ZFYVE27: variants seen among roughly 807,000 people sequenced by gnomAD.
ZFYVE27 encodes protrudin.
A neutral mutation model predicts 52.8 loss-of-function variants in ZFYVE27; 36 were observed. The observed-to-expected ratio is 0.68, with a 90% CI of 0.52 to 0.90. ZFYVE27 has a LOEUF of 0.90. Among genes scored for constraint, ZFYVE27 ranks in the 40% least tolerant of loss-of-function variants. ZFYVE27 has a pLI of 0.00. For synonymous variants in ZFYVE27, 223 were observed against 215.6 expected (o/e 1.03, Z -0.30); for missense variants, 450 against 527.2 (o/e 0.85, Z 1.43).
Position 97,748,869 on chromosome 10 carries a change from A to C in ZFYVE27, c.551+505A>C, listed in dbSNP as rs192783933. On this transcript the variant is annotated intron_variant, in intron 5 of 12. Coordinates refer to ENST00000684270, the MANE Select transcript of ZFYVE27 (RefSeq NM_001385875.1). ...TTTCATTACTAACCCCATGGTAAACATTTTTATGGATTTAGCTTTAATGTT... is the reference window on the plus strand; with the variant it reads ...TTTCATTACTAACCCCATGGTAAACCTTTTTATGGATTTAGCTTTAATGTT... 2.6e-5 allele frequency among the ~76,000 whole-genome samples: 4 copies of C among 152,336 alleles called. No individual in the cohort carries two copies. The East Asian group carries it at 7.7e-4, about 29-fold the overall frequency.
At position 97,759,476 on chromosome 10, in the gene ZFYVE27, A is replaced by G. The variant is rs2049199970; in HGVS notation, c.*176A>G. ...TGGATTCTGGAGCTGTTCTCCATCC[A>G]TGAGAGTGGCTGGCAATGGCTGCTC... On this transcript the variant is annotated 3_prime_UTR_variant, in exon 13 of 13. Coordinates refer to ENST00000684270, the MANE Select transcript of ZFYVE27 (RefSeq NM_001385875.1). 2.8e-6 allele frequency: 2 copies of G among 717,306 alleles called. No individual in the cohort carries two copies. Among genetic ancestry groups the G allele is most frequent in the Non-Finnish European group, 4.9e-6 (2 of 405,556 alleles). 44.4% of individuals were successfully genotyped at this position (717,306 alleles called of 1,614,324 possible). A position where few individuals can be genotyped will look rare whatever the true frequency, so the allele number is the denominator to read the frequency against.
intron 3 of ZFYVE27, among the ~76,000 whole-genome samples, chr10:97,743,807 C>T (rs58475318): frequency 6.6e-6 from 1 of 152,174 alleles, no homozygotes; most frequent in Non-Finnish European, 1.5e-5. Context: ...GTAATGTCTT[C>T]TATGAACCTC....
In ZFYVE27 at chr10:97,759,195, G is replaced by A. The variant is rs192309564; in HGVS notation, c.1172-41G>A. The A allele has an allele frequency of 5.5e-4, 882 of 1,612,418 alleles. 1 individual carries two copies. In the African/African-American group the frequency reaches 0.01, roughly 19 times the overall value. ...TAGTAGTTGGGGCCATGAACCAAAG[G>A]GCGCAAGGAAATGTCTCACCAAGTT... On this transcript the variant is annotated intron_variant, in intron 12 of 12. Coordinates refer to ENST00000684270, the MANE Select transcript of ZFYVE27 (RefSeq NM_001385875.1).
intron 2 of ZFYVE27, 103 bp downstream of exon 2, chr10:97,738,777 G>C: frequency 2.2e-6 from 3 of 1,366,944 alleles, no homozygotes; most frequent in Non-Finnish European, 3.1e-6. Flanking sequence ...TGTCCTTTCT[G>C]CCCTAGTGAG....
intron 8 of ZFYVE27, among the ~76,000 whole-genome samples, chr10:97,752,317 C>G (rs2047195651): frequency 6.6e-6 from 1 of 152,216 alleles, no homozygotes; most frequent in African/African-American, 2.4e-5. Flanking sequence ...TGATTTACCC[C>G]AACTCACCTC....
At chr10:97,746,443 G>A (rs185364468) in intron 4 of ZFYVE27, among the ~76,000 whole-genome samples, 5 of 152,158 alleles carry the variant, frequency 3.3e-5, no homozygotes, top group African/African-American at 9.7e-5. Flanking sequence ...TGTTGGCTTC[G>A]TCTATCTCTC....
Position 97,753,201 on chromosome 10 carries a change from G to A in ZFYVE27, c.1042+19G>A. 1.2e-6 allele frequency: 2 copies of A among 1,606,902 alleles called. No individual in the cohort carries two copies. The highest frequency in any genetic ancestry group is 1.7e-6 in the Non-Finnish European group (2 of 1,177,218). The stretch of plus-strand genomic sequence containing the variant: ...AACTTCGGTGCGGCCAGGGGACAGG[G>A]CTGGGCTGGTGGGGGAGTGGGGGTG... On this transcript the variant is annotated intron_variant, in intron 10 of 12. Coordinates refer to ENST00000684270, the MANE Select transcript of ZFYVE27 (RefSeq NM_001385875.1).
At chr10:97,752,473 C>T (rs2047240105) in intron 8 of ZFYVE27, among the ~76,000 whole-genome samples, 1 of 152,142 alleles carries the variant, frequency 6.6e-6, no homozygotes, top group South Asian at 2.1e-4. Context: ...TTGTTCATGA[C>T]CCATAGTAAG....
At chr10:97,750,267 C>G (rs2046577110) in intron 6 of ZFYVE27, 64 bp from the exon 7 acceptor site, 1 of 1,600,922 alleles carries the variant, frequency 6.2e-7, no homozygotes, top group African/African-American at 1.3e-5. Context: ...AAGTGGGTAC[C>G]CCTAAAGTGC....
chr10:97,753,683 AGTACTTACGAAGG>A (rs2136277926), intron 10 of ZFYVE27, among the ~76,000 whole-genome samples: 1 of 152,318 alleles, frequency 6.6e-6, no homozygotes, highest in South Asian at 2.1e-4. Flanking sequence ...ATGAGACAGT[AGTACTTACGAAGG>A]GCTAGCACAG....
rs200843408 is a variant in ZFYVE27 at position 97,738,495 on chromosome 10, T to C, written c.18T>C (p.Arg6=). 63 of 1,614,150 alleles carry C rather than the reference T, an allele frequency of 3.9e-5. No individual in the cohort carries two copies. In the African/African-American group the frequency reaches 6.9e-4, roughly 18 times the overall value. Residue 6 remains arginine, a synonymous_variant, in exon 2 of 13, where the codon CGT becomes CGC. Coordinates refer to ENST00000684270, the MANE Select transcript of ZFYVE27 (RefSeq NM_001385875.1). ...GTTACAGGATGCAGACATCAGAACGTGAGGGGAGTGGGCCGGAGCTGAGCC... is the reference window on the plus strand; with the variant it reads ...GTTACAGGATGCAGACATCAGAACGCGAGGGGAGTGGGCCGGAGCTGAGCC... The part of the protein sequence containing the change: MQTSE[R]EGSGPELSPS...
intron 4 of ZFYVE27, 117 bp from the exon 5 acceptor site, chr10:97,748,152 C>G: frequency 1.1e-6 from 1 of 950,598 alleles, no homozygotes; most frequent in Non-Finnish European, 1.6e-6. Flanking sequence ...TCTTTAAGCA[C>G]ATGGTGAGTG....
At chr10:97,754,716 C>T in intron 10 of ZFYVE27, 1 of 1,289,394 alleles carries the variant, frequency 7.8e-7, no homozygotes, top group South Asian at 1.2e-5. Context: ...CTCATTTCAT[C>T]CTTACCGTAG....
intron 4 of ZFYVE27, among the ~76,000 whole-genome samples, chr10:97,746,687 CT>C (rs777562975): frequency 2.7e-3 from 389 of 142,302 alleles, no homozygotes; most frequent in Non-Finnish European, 3.2e-3. Context: ...TTCCTTTTTT[CT>C]TTTTTTTTTT....
Position 97,759,288 on chromosome 10 carries a change from C to T in ZFYVE27, c.1224C>T (p.Thr408=). ...TVFVCASCNQ[T]LSK ...TTGTGTGTGCCTCGTGTAACCAGAC[C>T]TTGAGCAAGTGAGAAGAGAGGCCAG... Residue 408 remains threonine (T), a synonymous_variant, in exon 13 of 13, where the codon ACC becomes ACT. Coordinates refer to ENST00000684270, the MANE Select transcript of ZFYVE27 (RefSeq NM_001385875.1). The T allele has an allele frequency of 6.2e-7, 1 of 1,614,208 alleles. No individual in the cohort carries two copies. Among genetic ancestry groups the T allele is most frequent in the African/African-American group, 1.3e-5 (1 of 75,046 alleles).
intron 2 of ZFYVE27, among the ~76,000 whole-genome samples, chr10:97,739,439 C>T (rs908790184): frequency 6.6e-6 from 1 of 152,028 alleles, no homozygotes; most frequent in Non-Finnish European, 1.5e-5. Context: ...TTTTCATTCT[C>T]TATAATTTTC....
intron 4 of ZFYVE27, among the ~76,000 whole-genome samples, chr10:97,746,519 C>T (rs2136101363): frequency 6.6e-6 from 1 of 152,314 alleles, no homozygotes; most frequent in Non-Finnish European, 1.5e-5. Flanking sequence ...TGACTTAATA[C>T]TTCAGCGTGT....
At chr10:97,748,234 G>T (rs2045980966) in intron 4 of ZFYVE27, 35 bp from the exon 5 acceptor site, 1 of 1,608,804 alleles carries the variant, frequency 6.2e-7, no homozygotes, top group Non-Finnish European at 8.5e-7. Flanking sequence ...CAGGGCTTCT[G>T]TCCTGCCCAC....
intron 1 of ZFYVE27, among the ~76,000 whole-genome samples, chr10:97,737,567 T>G (rs969163827): frequency 2.0e-5 from 3 of 152,254 alleles, no homozygotes; most frequent in African/African-American, 7.2e-5. Context: ...CCTTTCGCCT[T>G]GGCTCGGCCT....
Sources: gnomAD v4.1 joint callset for allele counts (sites outside exome capture counted in the v4.1 genomes callset) on GRCh38, gnomAD v4.1.1 for gene constraint, MANE v1.5 for transcripts, NCBI Gene and HGNC (gene_info 2026-07-23, HGNC 2026-07-21) for gene names.